The following SIPA1L2 variants were observed in gnomAD, a reference collection of about 807,000 sequenced individuals.
The protein encoded by SIPA1L2 is signal-induced proliferation-associated 1-like protein 2.
SIPA1L2 carries 56 observed loss-of-function variants against 163.9 expected under a neutral mutation model. The observed-to-expected ratio is 0.34, with a 90% CI of 0.28 to 0.43. SIPA1L2 has a LOEUF of 0.43. SIPA1L2 is among the 20% of genes least tolerant of loss of function. The probability of loss-of-function intolerance (pLI) is 1.00; values close to 1 mark genes in which losing one functional copy is unlikely to be tolerated. For synonymous variants in SIPA1L2, 877 were observed against 865.7 expected (o/e 1.01, Z -0.23); for missense variants, 1,974 against 2,193.5 (o/e 0.90, Z 2.00).
rs1052469590 is a variant in SIPA1L2 at position 232,445,652 on chromosome 1, A to G, written c.3230T>C (p.Leu1077Pro). 1 of 1,613,364 alleles carries G rather than the reference A, an allele frequency of 6.2e-7. No homozygotes were observed. Among genetic ancestry groups the G allele is most frequent in the Non-Finnish European group, 8.5e-7 (1 of 1,179,794 alleles). Residue 1077 changes from leucine to proline, a missense_variant, in exon 11 of 23, where the codon CTC becomes CCC. Leu to Pro is a moderately conservative substitution (Grantham distance 98, BLOSUM62 -3). Coordinates refer to ENST00000674635, the MANE Select transcript of SIPA1L2 (RefSeq NM_020808.5). ...HRVPTPALQP[L>P]SRASPIPGTP... ...GCCGGGGATGGGGGAAGCTCTAGAG[A>G]GGGGCTGCAGGGCAGGAGTGGGCAC... is the stretch of plus-strand genomic sequence containing the variant.
intron 5 of SIPA1L2, among the ~76,000 whole-genome samples, chr1:232,484,882 C>T (rs1665567276): frequency 6.6e-6 from 1 of 152,200 alleles, no homozygotes; most frequent in Non-Finnish European, 1.5e-5. Flanking sequence ...CAATCCACAA[C>T]ACTGTTCACT....
intron 1 of SIPA1L2, among the ~76,000 whole-genome samples, chr1:232,612,754 G>C (rs1662311777): frequency 6.6e-6 from 1 of 152,148 alleles, no homozygotes; most frequent in Non-Finnish European, 1.5e-5. Context: ...ACTTTGGACT[G>C]TTAACTTTTG....
chr1:232,549,597 A>T (rs1658260321), intron 2 of SIPA1L2, among the ~76,000 whole-genome samples: 2 of 152,160 alleles, frequency 1.3e-5, no homozygotes, highest in Non-Finnish European at 1.5e-5. Context: ...ATTTCCGTTA[A>T]GTGGGACACT....
chr1:232,463,808 G>A (rs1266069965), intron 9 of SIPA1L2, among the ~76,000 whole-genome samples: 4 of 152,158 alleles, frequency 2.6e-5, no homozygotes, highest in Non-Finnish European at 5.9e-5. Context: ...ATCTAGGCTT[G>A]CTCACGTATA....
chr1:232,545,402 T>C (rs901803146), intron 2 of SIPA1L2, among the ~76,000 whole-genome samples: 1 of 152,246 alleles, frequency 6.6e-6, no homozygotes, highest in Non-Finnish European at 1.5e-5. Flanking sequence ...TGTGGGCGCC[T>C]AAGTGCTCTA....
intron 1 of SIPA1L2, among the ~76,000 whole-genome samples, chr1:232,620,884 G>A (rs971095854): frequency 3.9e-5 from 6 of 152,174 alleles, no homozygotes; most frequent in Non-Finnish European, 5.9e-5. Context: ...ATCTGCAAGG[G>A]TGTTATTTTC....
intron 1 of SIPA1L2, among the ~76,000 whole-genome samples, chr1:232,577,255 T>C (rs912754634): frequency 1.3e-5 from 2 of 152,212 alleles, no homozygotes; most frequent in African/African-American, 4.8e-5. Flanking sequence ...CACATGTGTT[T>C]ACAGCATTAT....
chr1:232,403,438 G>T lies in SIPA1L2; in HGVS notation c.4940+10C>A, dbSNP rs1199500775. ...CAGCAGGAGGGAGGGGTCCACAGGG[G>T]CTCACATACCCAGTTGTGTCCATGA... On this transcript the variant is annotated intron_variant, in intron 21 of 22. Coordinates refer to ENST00000674635, the MANE Select transcript of SIPA1L2 (RefSeq NM_020808.5). 1.2e-6 allele frequency: 2 copies of T among 1,611,378 alleles called. No individual in the cohort carries two copies. The highest frequency in any genetic ancestry group is 2.7e-5 in the African/African-American group (2 of 74,974).
At chr1:232,567,042 G>A (rs12072371) in intron 2 of SIPA1L2, among the ~76,000 whole-genome samples, 35,565 of 151,976 alleles carry the variant, frequency 0.23, 4,381 homozygotes, top group South Asian at 0.37. Context: ...TATAAAATAC[G>A]ACTAATGGAT....
At chr1:232,622,615 G>A (rs75962266) in intron 1 of SIPA1L2, among the ~76,000 whole-genome samples, 5,646 of 152,232 alleles carry the variant, frequency 0.037, 170 homozygotes, top group Non-Finnish European at 0.059. Flanking sequence ...CATGAAAGGC[G>A]GCCACCTAAG....
At chr1:232,571,163 T>C (rs1312057872) in intron 2 of SIPA1L2, among the ~76,000 whole-genome samples, 1 of 152,138 alleles carries the variant, frequency 6.6e-6, no homozygotes. Flanking sequence ...CTCCAAAAGA[T>C]AAATGAGCAA....
intron 18 of SIPA1L2, among the ~76,000 whole-genome samples, chr1:232,420,435 G>A (rs1353199836): frequency 6.6e-6 from 1 of 152,168 alleles, no homozygotes; most frequent in Non-Finnish European, 1.5e-5. Flanking sequence ...CTCCTCAGTT[G>A]TACGGTTTTA....
chr1:232,402,495 A>T, intron 21 of SIPA1L2, 22 bp from the exon 22 acceptor site: 1 of 1,599,214 alleles, frequency 6.3e-7, no homozygotes, highest in Non-Finnish European at 8.5e-7. Flanking sequence ...GGATAGAATT[A>T]GAAAGATTCA....
Position 232,398,987 on chromosome 1 carries a change from G to C in SIPA1L2, c.*140C>G. On this transcript the variant is annotated 3_prime_UTR_variant, in exon 23 of 23. Transcript: ENST00000674635. ...AGAAAGAGTCGAGGCTCCCTATCCT[G>C]CTGTGGTGAATGGTGCTACACAGAA... is the stretch of plus-strand genomic sequence containing the variant. 8.6e-7 allele frequency: 1 copy of C among 1,165,352 alleles called. No homozygotes were observed. The highest frequency in any genetic ancestry group is 2.9e-4 in the Middle Eastern group (1 of 3,440). 72.2% of individuals were successfully genotyped at this position (1,165,352 alleles called of 1,614,324 possible).
intron 11 of SIPA1L2, among the ~76,000 whole-genome samples, chr1:232,444,370 T>C (rs1536322): frequency 0.76 from 115,108 of 152,074 alleles, 43,814 homozygotes; most frequent in East Asian, 0.87. Flanking sequence ...GTTCTGCAGA[T>C]CCCCTTCCTT....
chr1:232,612,179 TGCAAATACCTGGATAACCAG>T (rs1553324492), intron 1 of SIPA1L2, among the ~76,000 whole-genome samples: 3 of 152,226 alleles, frequency 2.0e-5, no homozygotes, highest in Non-Finnish European at 4.4e-5. Context: ...GCAGGATGTA[TGCAAATACCTGGATAACCAG>T]GCAGAAGTTT....
In SIPA1L2 at chr1:232,465,746, G is replaced by A. The variant is rs1035023326; in HGVS notation, c.2244-330C>T. The stretch of plus-strand genomic sequence containing the variant: ...AACCCATAGTTCCTGGGAATGTGAC[G>A]CAATCTGGAGAAAGGACCCTTAAGG... On this transcript the variant is annotated intron_variant, in intron 8 of 22. Transcript: ENST00000674635. This position sits in a 1 kb window ranked among gnomAD's most constrained non-coding sequence, Gnocchi z 4.1. Among the ~76,000 whole-genome samples, 6 of 151,894 alleles carry A rather than the reference G, an allele frequency of 4.0e-5. No homozygotes were observed. The highest frequency in any genetic ancestry group is 7.3e-5 in the African/African-American group (3 of 41,354).
In SIPA1L2 at chr1:232,566,459, G is replaced by C. The variant is rs959146669; in HGVS notation, c.-270+7715C>G. Among the ~76,000 whole-genome samples, 4 of 152,328 alleles carry C rather than the reference G, an allele frequency of 2.6e-5. No homozygotes were observed. The East Asian group carries it at 7.7e-4, about 29-fold the overall frequency. Reference sequence around the variant, plus strand: ...AAATCACAATGTGGTACGTGGAAAAGCCCTGCTGGATTTCAGATTCATGAA... The same window carrying C: ...AAATCACAATGTGGTACGTGGAAAACCCCTGCTGGATTTCAGATTCATGAA... On this transcript the variant is annotated intron_variant, in intron 2 of 22. Coordinates refer to ENST00000674635, the MANE Select transcript of SIPA1L2 (RefSeq NM_020808.5).
chr1:232,529,516 A>G (rs1293586598), intron 2 of SIPA1L2, among the ~76,000 whole-genome samples: 2 of 152,184 alleles, frequency 1.3e-5, no homozygotes, highest in Admixed American at 6.5e-5. Flanking sequence ...CAGGTAAAAC[A>G]CCCTTGAGGA....
Sources: allele counts gnomAD v4.1 joint callset (sites outside exome capture counted in the v4.1 genomes callset), GRCh38; gene constraint gnomAD v4.1.1; non-coding constraint Gnocchi (gnomAD v3.1); transcripts MANE v1.5; gene names NCBI Gene and HGNC (gene_info 2026-07-23, HGNC 2026-07-21).